The following MAP2K6 variants were observed in gnomAD, a reference collection of about 807,000 sequenced individuals.
MAP2K6 encodes the protein dual specificity mitogen-activated protein kinase kinase 6.
In MAP2K6, 16 loss-of-function variants were observed where a neutral mutation model predicts 53.7. That is an observed-to-expected ratio of 0.30 (90% CI 0.20 to 0.45). MAP2K6 has a LOEUF of 0.45. Ranked by LOEUF, MAP2K6 falls within the 20% of genes least tolerant of loss-of-function variation. The probability of loss-of-function intolerance (pLI) is 1.00; values close to 1 mark genes in which losing one functional copy is unlikely to be tolerated. For missense variants in MAP2K6, 204 were observed against 411.9 expected, an observed-to-expected ratio of 0.50 and a Z score of 4.37; for synonymous variants, 132 against 143.1, an observed-to-expected ratio of 0.92 and a Z score of 0.55.
At chr17:69,455,782 G>T (rs1219783964) in intron 1 of MAP2K6, among the ~76,000 whole-genome samples, 9 of 149,928 alleles carry the variant, frequency 6.0e-5, no homozygotes, top group African/African-American at 2.5e-5. Context: ...TCTAAAAACT[G>T]ATTTGTTTAG....
intron 2 of MAP2K6, among the ~76,000 whole-genome samples, chr17:69,513,484 A>G (rs750767417): frequency 1.3e-5 from 2 of 152,144 alleles, no homozygotes; most frequent in African/African-American, 2.4e-5. Flanking sequence ...ATTTTTCTCA[A>G]TCTGGAAAAT....
At chr17:69,472,617 G>T (rs1343265984) in intron 1 of MAP2K6, among the ~76,000 whole-genome samples, 1 of 152,194 alleles carries the variant, frequency 6.6e-6, no homozygotes, top group Non-Finnish European at 1.5e-5. Context: ...TCCAGGTTGG[G>T]TCCCAGCTCA....
intron 1 of MAP2K6, chr17:69,502,672 G>C: frequency 3.0e-6 from 3 of 985,476 alleles, no homozygotes; most frequent in Non-Finnish European, 3.6e-6. Flanking sequence ...CAACTAGGAG[G>C]CAGTAAATTC....
intron 1 of MAP2K6, among the ~76,000 whole-genome samples, chr17:69,428,319 C>T (rs986241430): frequency 7.2e-5 from 11 of 152,346 alleles, no homozygotes; most frequent in African/African-American, 2.6e-4. Flanking sequence ...TGCTTCTTCC[C>T]TGGCTTCTGG....
intron 1 of MAP2K6, among the ~76,000 whole-genome samples, chr17:69,432,227 G>T (rs1906485692): frequency 6.6e-6 from 1 of 152,256 alleles, no homozygotes; most frequent in East Asian, 1.9e-4. Context: ...TCTGCATAAG[G>T]TTACATACTA....
chr17:69,461,089 C>A (rs947714771), intron 1 of MAP2K6, among the ~76,000 whole-genome samples: 1 of 152,150 alleles, frequency 6.6e-6, no homozygotes, highest in African/African-American at 2.4e-5. Context: ...TTCTGACTAA[C>A]AAGAAAGTCC....
At chr17:69,490,117 C>A (rs1908685954) in intron 1 of MAP2K6, among the ~76,000 whole-genome samples, 1 of 152,132 alleles carries the variant, frequency 6.6e-6, no homozygotes, top group Non-Finnish European at 1.5e-5. Flanking sequence ...TGGTAGGGAA[C>A]ATGAAGAGTT....
chr17:69,533,322 A>T (rs927761901), intron 10 of MAP2K6, among the ~76,000 whole-genome samples: 5 of 152,064 alleles, frequency 3.3e-5, no homozygotes, highest in East Asian at 1.9e-4. Context: ...TACAGCATTT[A>T]AAAAAAATAC....
intron 1 of MAP2K6, among the ~76,000 whole-genome samples, chr17:69,428,557 C>A (rs1302052773): frequency 6.6e-6 from 1 of 152,160 alleles, no homozygotes; most frequent in Non-Finnish European, 1.5e-5. Flanking sequence ...GTTAGGACTT[C>A]AGTATATTAA....
intron 10 of MAP2K6, among the ~76,000 whole-genome samples, chr17:69,531,330 G>A (rs1189038329): frequency 2.6e-5 from 4 of 152,210 alleles, no homozygotes; most frequent in East Asian, 1.9e-4. Context: ...CTAAGCATTC[G>A]ATGTCACAAA....
intron 6 of MAP2K6, chr17:69,520,637 C>T (rs1210867592): frequency 2.2e-6 from 1 of 449,370 alleles, no homozygotes; most frequent in South Asian, 4.5e-5. Flanking sequence ...GCTATGACCA[C>T]ATTCCTGGTG....
chr17:69,462,205 C>T (rs561063351), intron 1 of MAP2K6, among the ~76,000 whole-genome samples: 7 of 152,208 alleles, frequency 4.6e-5, no homozygotes, highest in African/African-American at 1.4e-4. Flanking sequence ...ATAGAGGACA[C>T]GAGAACCTCT....
At chr17:69,471,963 C>T (rs766014127) in intron 1 of MAP2K6, among the ~76,000 whole-genome samples, 16 of 152,130 alleles carry the variant, frequency 1.1e-4, no homozygotes, top group East Asian at 5.8e-4. Context: ...ACATCTTCCC[C>T]GCGGGGATGT....
intron 1 of MAP2K6, among the ~76,000 whole-genome samples, chr17:69,417,220 G>A (rs531266710): frequency 1.3e-5 from 2 of 152,310 alleles, no homozygotes; most frequent in South Asian, 4.1e-4. Context: ...ATTCAGCTAC[G>A]CTATTCTCAA....
chr17:69,462,787 A>T (rs974442291), intron 1 of MAP2K6, among the ~76,000 whole-genome samples: 1 of 151,576 alleles, frequency 6.6e-6, no homozygotes, highest in Non-Finnish European at 1.5e-5. Flanking sequence ...TTTTCTCCAT[A>T]TTTGCCTTTA....
chr17:69,545,515 A>G lies in MAP2K6; in HGVS notation c.*3762A>G, dbSNP rs1439767329. On this transcript the variant is annotated 3_prime_UTR_variant, in exon 12 of 12. Coordinates refer to ENST00000590474, the MANE Select transcript of MAP2K6 (RefSeq NM_002758.4). ...ATTGTTTGTATTTTACAGTTCTTGT[A>G]TATCCTTCAAGCCTAACAAAAAATT... 1 of 152,220 alleles carries G rather than the reference A, an allele frequency of 6.6e-6. No homozygotes were observed. The highest frequency in any genetic ancestry group is 2.4e-5 in the African/African-American group (1 of 41,460). The allele number at this position is 152,220 out of a possible 1,614,324, so 9.4% of individuals were successfully genotyped here.
chr17:69,509,717 A>G (rs1909711245), intron 2 of MAP2K6, among the ~76,000 whole-genome samples: 1 of 152,148 alleles, frequency 6.6e-6, no homozygotes, highest in African/African-American at 2.4e-5. Flanking sequence ...TTAGAGGGAA[A>G]GCATTTAGTC....
intron 1 of MAP2K6, among the ~76,000 whole-genome samples, chr17:69,449,545 C>CTTTCTTTCTTTA (rs1907113756): frequency 7.6e-5 from 8 of 105,670 alleles, no homozygotes; most frequent in Non-Finnish European, 1.3e-4. Flanking sequence ...TTCTTTCTTT[C>CTTTCTTTCTTTA]TTTCTTTCTT....
At position 69,512,425 on chromosome 17, in the gene MAP2K6, C is replaced by T. The variant is rs1211670377; in HGVS notation, c.84-4430C>T. Among the ~76,000 whole-genome samples the T allele has an allele frequency of 3.5e-5, 5 of 144,506 alleles. No homozygotes were observed. The South Asian group carries it at 6.8e-4, about 20-fold the overall frequency. The allele number at this position is 144,506 out of a possible 152,430, so 94.8% of individuals were successfully genotyped here. On this transcript the variant is annotated intron_variant, in intron 2 of 11. Transcript: ENST00000590474. ...TATGATCTTGGCTCACCACAACCTC[C>T]GCCTCTTGGGTCCAAGCGATTCTCC...
Sources: gnomAD v4.1 joint callset for allele counts (sites outside exome capture counted in the v4.1 genomes callset) on GRCh38, gnomAD v4.1.1 for gene constraint, MANE v1.5 for transcripts, NCBI Gene and HGNC (gene_info 2026-07-23, HGNC 2026-07-21) for gene names.